The following RNF6 variants were observed in gnomAD, a reference collection of about 807,000 sequenced individuals.
RNF6 encodes the protein ring finger protein 6.
Under a neutral mutation model 50.1 loss-of-function variants are expected in RNF6, and 21 were observed. The observed-to-expected ratio is 0.42, with a 90% CI of 0.30 to 0.60. The LOEUF is 0.60. Among genes scored for constraint, RNF6 ranks in the 20% least tolerant of loss-of-function variants. The pLI is 0.20. For synonymous variants in RNF6, 255 were observed against 291.8 expected (o/e 0.87, Z 1.29); for missense variants, 698 against 838.2 (o/e 0.83, Z 2.07).
chr13:26,151,821 T>A (rs1391528631), intron 5 of RNF6, among the ~76,000 whole-genome samples: 2 of 152,224 alleles, frequency 1.3e-5, no homozygotes, highest in Non-Finnish European at 2.9e-5. Flanking sequence ...TAGGATCGCT[T>A]ACGCGCTCAA....
At position 26,213,965 on chromosome 13, in the gene RNF6, A is replaced by G. The variant is rs757869131; in HGVS notation, c.1917T>C (p.Tyr639=). 1.9e-6 allele frequency: 3 copies of G among 1,614,218 alleles called. No individual in the cohort carries two copies. The highest frequency in any genetic ancestry group is 4.5e-5 in the East Asian group (2 of 44,890). ...GKICSVCISD[Y]VTGNKLRQLP... Reference sequence around the variant, plus strand: ...ATTGCCTGAGCTTGTTTCCAGTTACATAGTCACTAATACAAACACTACAGA... The same window carrying G: ...ATTGCCTGAGCTTGTTTCCAGTTACGTAGTCACTAATACAAACACTACAGA... The change falls in exon 5 of 5, where the codon TAT becomes TAC. Residue 639 remains tyrosine (Y), a synonymous_variant. Transcript: ENST00000381588.
intron 5 of RNF6, among the ~76,000 whole-genome samples, chr13:26,139,419 C>T (rs1220734393): frequency 5.9e-5 from 9 of 152,146 alleles, no homozygotes; most frequent in African/African-American, 2.2e-4. Context: ...TGATGTTTTC[C>T]CTGTGGCCCT....
At chr13:26,156,333 G>A (rs1871923858) in intron 5 of RNF6, among the ~76,000 whole-genome samples, 1 of 152,186 alleles carries the variant, frequency 6.6e-6, no homozygotes, top group South Asian at 2.1e-4. Flanking sequence ...AGTGCTATAA[G>A]CCATTACGCA....
At chr13:26,162,210 T>C (rs973324999) in intron 5 of RNF6, among the ~76,000 whole-genome samples, 2 of 151,818 alleles carry the variant, frequency 1.3e-5, no homozygotes, top group Non-Finnish European at 2.9e-5. Context: ...CAGGAAGGGG[T>C]GCCTTCATCA....
chr13:26,205,671 G>C (rs1010930183), intron 5 of RNF6, among the ~76,000 whole-genome samples: 2 of 152,102 alleles, frequency 1.3e-5, no homozygotes, highest in African/African-American at 4.8e-5. Context: ...AACCACACAG[G>C]ATAAACCCTC....
intron 5 of RNF6, among the ~76,000 whole-genome samples, chr13:26,206,367 G>C (rs1017114106): frequency 2.0e-5 from 3 of 152,244 alleles, no homozygotes; most frequent in Non-Finnish European, 4.4e-5. Context: ...TAAGCAGACA[G>C]TGTCTGCAGC....
At position 26,213,879 on chromosome 13, in the gene RNF6, G is replaced by A; in HGVS notation, c.2003C>T (p.Thr668Ile). ...CIDRWLSENC[T>I]CPICRQPVLG... ...AACAGGCTGCCGACAGATCGGACAA[G>A]TGCAATTCTCTGAGAGCCATCGGTC... is the stretch of plus-strand genomic sequence containing the variant. The change falls in exon 5 of 5, where the codon ACT (threonine) becomes ATT (isoleucine). Residue 668 changes from threonine (T) to isoleucine (I), a missense_variant. Transcript: ENST00000381588. 2 of 1,613,964 alleles carry A rather than the reference G, an allele frequency of 1.2e-6. No individual in the cohort carries two copies. The highest frequency in any genetic ancestry group is 1.3e-5 in the African/African-American group (1 of 75,026).
intron 5 of RNF6, among the ~76,000 whole-genome samples, chr13:26,133,307 T>A (rs954138026): frequency 6.6e-6 from 1 of 152,212 alleles, no homozygotes; most frequent in Admixed American, 6.5e-5. Flanking sequence ...CTATTATATG[T>A]GCTGGTATGG....
At chr13:26,173,785 T>C (rs1316516328) in intron 5 of RNF6, among the ~76,000 whole-genome samples, 1 of 151,922 alleles carries the variant, frequency 6.6e-6, no homozygotes. Flanking sequence ...ACCCCGGCTC[T>C]ACTAAAAATA....
intron 5 of RNF6, among the ~76,000 whole-genome samples, chr13:26,187,132 TCCCCGC>T (rs1873589819): frequency 6.9e-6 from 1 of 145,040 alleles, no homozygotes; most frequent in Admixed American, 6.6e-5. Flanking sequence ...ACTGGGGCTG[TCCCCGC>T]TTCCTGTTTC....
intron 5 of RNF6, among the ~76,000 whole-genome samples, chr13:26,166,273 T>G (rs1872447816): frequency 6.6e-6 from 1 of 152,198 alleles, no homozygotes; most frequent in African/African-American, 2.4e-5. Flanking sequence ...CCAATAAACC[T>G]TTTTCTTTTG....
chr13:26,157,986 G>T (rs1050760913), intron 5 of RNF6, among the ~76,000 whole-genome samples: 3 of 152,080 alleles, frequency 2.0e-5, no homozygotes, highest in Non-Finnish European at 2.9e-5. Flanking sequence ...TAGATAGATA[G>T]ATAGATAGAT....
chr13:26,187,028 C>T (rs1873583758), intron 5 of RNF6, among the ~76,000 whole-genome samples: 2 of 152,126 alleles, frequency 1.3e-5, no homozygotes, highest in African/African-American at 4.8e-5. Context: ...CCACCCACCT[C>T]GGCCTCCCAA....
intron 5 of RNF6, among the ~76,000 whole-genome samples, chr13:26,172,674 G>T (rs939437413): frequency 6.6e-6 from 1 of 151,986 alleles, no homozygotes; most frequent in African/African-American, 2.4e-5. Context: ...CTCCCGAGTA[G>T]CTGGCACTAC....
chr13:26,188,222 A>G (rs1202954988), intron 5 of RNF6, among the ~76,000 whole-genome samples: 1 of 152,212 alleles, frequency 6.6e-6, no homozygotes, highest in African/African-American at 2.4e-5. Flanking sequence ...ACTAGATTCT[A>G]TAAGTGTAAA....
chr13:26,147,323 G>A (rs1871303007), intron 5 of RNF6, among the ~76,000 whole-genome samples: 1 of 152,186 alleles, frequency 6.6e-6, no homozygotes, highest in Admixed American at 6.5e-5. Flanking sequence ...AGAGGTGATG[G>A]GGAAGATTCA....
At chr13:26,199,602 A>G (rs1261280633) in intron 5 of RNF6, among the ~76,000 whole-genome samples, 4 of 152,162 alleles carry the variant, frequency 2.6e-5, no homozygotes, top group Non-Finnish European at 4.4e-5. Flanking sequence ...TCAGAGACTG[A>G]GAGGATAAAA....
intron 5 of RNF6, among the ~76,000 whole-genome samples, chr13:26,152,015 G>T (rs1352934463): frequency 6.6e-6 from 1 of 152,134 alleles, no homozygotes; most frequent in African/African-American, 2.4e-5. Flanking sequence ...CCAGGATGAA[G>T]TCCAACCTTC....
intron 5 of RNF6, among the ~76,000 whole-genome samples, chr13:26,137,680 C>G (rs913654449): frequency 6.7e-6 from 1 of 149,856 alleles, no homozygotes; most frequent in South Asian, 2.1e-4. Flanking sequence ...AATAGAAACT[C>G]TGGGGTTGAA....
Sources: allele counts gnomAD v4.1 joint callset (sites outside exome capture counted in the v4.1 genomes callset), GRCh38; gene constraint gnomAD v4.1.1; transcripts MANE v1.5; gene names NCBI Gene and HGNC (gene_info 2026-07-23, HGNC 2026-07-21).